The following EYA4 variants were observed in gnomAD, a reference collection of about 807,000 sequenced individuals.
EYA4 encodes EYA transcriptional coactivator and phosphatase 4.
In EYA4, 31 loss-of-function variants were observed where a neutral mutation model predicts 87.9. That is an observed-to-expected ratio of 0.35 (90% confidence interval 0.27 to 0.48). EYA4 has a LOEUF of 0.48. EYA4 is among the 20% of genes least tolerant of loss of function. The pLI, the probability that EYA4 is intolerant of heterozygous loss-of-function variation, is 0.99. For synonymous variants in EYA4, 263 were observed against 270.6 expected (o/e 0.97, Z 0.28); for missense variants, 678 against 761.4 (o/e 0.89, Z 1.29).
intron 3 of EYA4, among the ~76,000 whole-genome samples, chr6:133,403,792 T>C (rs768051628): frequency 1.3e-5 from 2 of 152,138 alleles, no homozygotes; most frequent in Admixed American, 6.6e-5. Flanking sequence ...TTTCCTGTCA[T>C]GTTTTTTGTT....
intron 2 of EYA4, among the ~76,000 whole-genome samples, chr6:133,298,072 CT>C (rs1203964794): frequency 3.9e-5 from 6 of 152,188 alleles, no homozygotes; most frequent in African/African-American, 1.4e-4. Context: ...CATCTCTTTA[CT>C]TTTTTCTTGT....
chr6:133,457,512 T>C (rs1273453923), intron 6 of EYA4, among the ~76,000 whole-genome samples: 1 of 152,174 alleles, frequency 6.6e-6, no homozygotes, highest in Non-Finnish European at 1.5e-5. Context: ...ATGTTTTGTG[T>C]AAAAATAGTT....
intron 4 of EYA4, among the ~76,000 whole-genome samples, chr6:133,447,343 A>G (rs1792951889): frequency 6.6e-6 from 1 of 152,134 alleles, no homozygotes; most frequent in African/African-American, 2.4e-5. Flanking sequence ...CATGACAACA[A>G]TAATAGCTAT....
chr6:133,370,976 C>T (rs1414980), intron 2 of EYA4, among the ~76,000 whole-genome samples: 34,308 of 151,916 alleles, frequency 0.23, 3,939 homozygotes, highest in South Asian at 0.32. Flanking sequence ...GATTTAAAAC[C>T]TTGATGTGGA....
chr6:133,394,305 T>TTA, intron 3 of EYA4, among the ~76,000 whole-genome samples: 1 of 84,128 alleles, frequency 1.2e-5, no homozygotes, highest in South Asian at 4.7e-4. Context: ...TTTTTTTTTT[T>TTA]TTTTTTTTTT....
intron 14 of EYA4, 92 bp from the exon 15 acceptor site, chr6:133,512,629 G>A (rs968455670): frequency 2.1e-6 from 2 of 943,684 alleles, no homozygotes; most frequent in African/African-American, 1.6e-5. Context: ...TCTTCTGGTG[G>A]TAGTCTGATC....
At chr6:133,417,210 A>G (rs1789790846) in intron 3 of EYA4, among the ~76,000 whole-genome samples, 1 of 152,138 alleles carries the variant, frequency 6.6e-6, no homozygotes, top group South Asian at 2.1e-4. Flanking sequence ...AGGCAAAATG[A>G]TTTGCTCAAT....
intron 13 of EYA4, among the ~76,000 whole-genome samples, chr6:133,492,655 G>A (rs549442669): frequency 6.6e-6 from 1 of 152,306 alleles, no homozygotes; most frequent in South Asian, 2.1e-4. Flanking sequence ...TGGAAAGGAA[G>A]AAGTCAAATT....
At chr6:133,364,773 TACATAGGC>T (rs750688073) in intron 2 of EYA4, among the ~76,000 whole-genome samples, 1 of 152,184 alleles carries the variant, frequency 6.6e-6, no homozygotes, top group Non-Finnish European at 1.5e-5. Context: ...CTCCCTACAG[TACATAGGC>T]ACTTTGTATT....
intron 11 of EYA4, among the ~76,000 whole-genome samples, chr6:133,473,203 T>C (rs1039514017): frequency 2.6e-5 from 4 of 152,174 alleles, no homozygotes; most frequent in South Asian, 2.1e-4. Context: ...TAGGGAAACA[T>C]GGTCACAGTA....
intron 3 of EYA4, among the ~76,000 whole-genome samples, chr6:133,419,991 A>G (rs920880237): frequency 6.6e-6 from 1 of 152,182 alleles, no homozygotes; most frequent in Non-Finnish European, 1.5e-5. Flanking sequence ...GAAGGTGGGA[A>G]TAGTGGCATT....
chr6:133,305,277 T>C (rs1202906603), intron 2 of EYA4, among the ~76,000 whole-genome samples: 4 of 152,072 alleles, frequency 2.6e-5, no homozygotes, highest in African/African-American at 9.7e-5. Flanking sequence ...TGGAGTGAGA[T>C]AAAGCCACTG....
At chr6:133,266,941 A>C (rs933848418) in intron 1 of EYA4, among the ~76,000 whole-genome samples, 5 of 152,210 alleles carry the variant, frequency 3.3e-5, no homozygotes, top group African/African-American at 1.2e-4. Flanking sequence ...TATTTATTAA[A>C]TACCTAAAAT....
chr6:133,266,544 A>T (rs1562224287), intron 1 of EYA4, among the ~76,000 whole-genome samples: 1 of 152,188 alleles, frequency 6.6e-6, no homozygotes, highest in Non-Finnish European at 1.5e-5. Context: ...GTTGTAAATA[A>T]ACAGTAGTTC....
intron 2 of EYA4, among the ~76,000 whole-genome samples, chr6:133,378,993 T>G (rs1201868032): frequency 4.9e-4 from 75 of 151,776 alleles, no homozygotes; most frequent in Admixed American, 4.9e-3. Flanking sequence ...AACATTTATT[T>G]TTTTATTTAT....
chr6:133,427,991 T>C (rs967042823), intron 3 of EYA4, among the ~76,000 whole-genome samples: 1 of 152,218 alleles, frequency 6.6e-6, no homozygotes, highest in Admixed American at 6.5e-5. Context: ...CTAGAAATGC[T>C]GATTGTACTT....
chr6:133,525,875 C>G, intron 19 of EYA4: 3 of 984,758 alleles, frequency 3.0e-6, no homozygotes, highest in Non-Finnish European at 3.6e-6. Flanking sequence ...TGCTCAGATC[C>G]TTTTGCACCA....
chr6:133,528,888 A>T lies in EYA4; in HGVS notation c.*83A>T. 1.2e-6 allele frequency: 2 copies of T among 1,608,026 alleles called. No homozygotes were observed. Among genetic ancestry groups the T allele is most frequent in the Non-Finnish European group, 1.7e-6 (2 of 1,176,450 alleles). ...TGTGATTCAATGCCTCTGGCTCTAC[A>T]CATATAAATTGTCTTAATGGATGAA... On this transcript the variant is annotated 3_prime_UTR_variant, in exon 20 of 20. Coordinates refer to ENST00000355286, the MANE Select transcript of EYA4 (RefSeq NM_004100.5).
chr6:133,301,241 T>C (rs1282686081), intron 2 of EYA4, among the ~76,000 whole-genome samples: 3 of 152,228 alleles, frequency 2.0e-5, no homozygotes, highest in Non-Finnish European at 4.4e-5. Context: ...CAAAAAAACA[T>C]TTACAGAGAA....
Sources: gnomAD v4.1 joint callset for allele counts (sites outside exome capture counted in the v4.1 genomes callset) on GRCh38, gnomAD v4.1.1 for gene constraint, MANE v1.5 for transcripts, NCBI Gene and HGNC (gene_info 2026-07-23, HGNC 2026-07-21) for gene names.